OSMR: variants seen among roughly 807,000 people sequenced by gnomAD.
OSMR encodes oncostatin-M-specific receptor subunit beta.
In OSMR, 81 loss-of-function variants were observed where a neutral mutation model predicts 99.9. The observed-to-expected ratio is 0.81, with a 90% CI of 0.68 to 0.97. OSMR has a LOEUF of 0.97. Among genes scored for constraint, OSMR ranks in the 50% least tolerant of loss-of-function variants. The pLI is 0.00. For synonymous variants in OSMR, 406 were observed against 410.4 expected (o/e 0.99, Z 0.13); for missense variants, 1,099 against 1,153.4 (o/e 0.95, Z 0.68).
At chr5:38,846,644 G>C (rs935165439) in intron 1 of OSMR, among the ~76,000 whole-genome samples, 3 of 152,134 alleles carry the variant, frequency 2.0e-5, no homozygotes, top group Admixed American at 2.0e-4. Context: ...GGGAATCCGT[G>C]TATCTCTCCC....
At chr5:38,853,177 C>T (rs1050255687) in intron 1 of OSMR, among the ~76,000 whole-genome samples, 3 of 152,038 alleles carry the variant, frequency 2.0e-5, no homozygotes, top group African/African-American at 4.8e-5. Context: ...AACTATTTAC[C>T]TATGATTTAA....
chr5:38,852,824 G>C (rs996877741), intron 1 of OSMR, among the ~76,000 whole-genome samples: 7 of 135,966 alleles, frequency 5.1e-5, no homozygotes, highest in Non-Finnish European at 9.2e-5. Flanking sequence ...TCCGCCTCTT[G>C]GGTTCATGCC....
chr5:38,919,744 T>A (rs1746136307), intron 11 of OSMR, among the ~76,000 whole-genome samples: 1 of 152,182 alleles, frequency 6.6e-6, no homozygotes, highest in African/African-American at 2.4e-5. Flanking sequence ...AACCTTGCAA[T>A]AATATTACCC....
intron 7 of OSMR, among the ~76,000 whole-genome samples, chr5:38,888,719 C>T (rs189171428): frequency 1.3e-5 from 2 of 152,134 alleles, no homozygotes; most frequent in Admixed American, 1.3e-4. Context: ...ACATCATCTC[C>T]CTTTTAAATC....
At position 38,904,423 on chromosome 5, in the gene OSMR, C is replaced by T. The variant is rs768400894; in HGVS notation, c.1205C>T (p.Ala402Val). Residue 402 changes from alanine to valine, a missense_variant, in exon 9 of 18, where the codon GCG (alanine) becomes GTG (valine). Ala to Val is a moderately conservative substitution (Grantham distance 64). Transcript: ENST00000274276. The stretch of plus-strand genomic sequence containing the variant: ...CTGGAACCTGCCACAGAGTACATGG[C>T]GCGAGTACGGTGTGCTGATGCCAGC... ...SELEPATEYM[A>V]RVRCADASHF... 23 of 1,614,058 alleles carry T rather than the reference C, an allele frequency of 1.4e-5. 1 individual carries two copies. The highest frequency in any genetic ancestry group is 1.7e-4 in the Middle Eastern group (1 of 6,060).
intron 11 of OSMR, 72 bp downstream of exon 11, chr5:38,919,134 G>A (rs1579791047): frequency 1.3e-6 from 2 of 1,572,310 alleles, no homozygotes; most frequent in East Asian, 4.7e-5. Flanking sequence ...AGTAGTGATG[G>A]ATAAATTGAG....
chr5:38,883,826 GTACAAGATTC>G lies in OSMR; in HGVS notation c.422_431del (p.Gln141LeufsTer52), dbSNP rs1561364566. ...AACTTGGCTATTTTTTTTTCTTGCA[GTACAAGATTC>G]TACTGGACAGGATATATTGTTCGTT... On this transcript the variant is annotated frameshift_variant and splice_region_variant, in exon 5 of 18. Coordinates refer to ENST00000274276, the MANE Select transcript of OSMR (RefSeq NM_003999.3). LOFTEE classifies it high-confidence loss of function. The G allele has an allele frequency of 4.3e-6, 7 of 1,612,398 alleles. No homozygotes were observed. The highest frequency in any genetic ancestry group is 5.9e-6 in the Non-Finnish European group (7 of 1,179,952).
At chr5:38,879,578 T>G (rs935541344) in intron 3 of OSMR, among the ~76,000 whole-genome samples, 14 of 151,718 alleles carry the variant, frequency 9.2e-5, no homozygotes, top group Non-Finnish European at 1.9e-4. Context: ...ATTGATGTAC[T>G]TCCTTCTAGC....
At chr5:38,917,974 CA>C (rs1306620200) in intron 10 of OSMR, among the ~76,000 whole-genome samples, 1 of 152,074 alleles carries the variant, frequency 6.6e-6, no homozygotes, top group Non-Finnish European at 1.5e-5. Flanking sequence ...AATTATAAAT[CA>C]AGCTTAAAAA....
intron 1 of OSMR, 80 bp downstream of exon 1, chr5:38,846,467 C>G (rs1324048182): frequency 6.6e-6 from 1 of 152,334 alleles, no homozygotes; most frequent in Non-Finnish European, 1.5e-5. Flanking sequence ...TTGAAATTCA[C>G]CATCCCAGCG....
intron 17 of OSMR, 134 bp from the exon 18 acceptor site, chr5:38,932,738 C>T (rs1380981735): frequency 6.6e-7 from 1 of 1,525,706 alleles, no homozygotes; most frequent in Non-Finnish European, 8.8e-7. Context: ...AACATCACCT[C>T]CAGGTTACTT....
chr5:38,879,411 G>T (rs1271414653), intron 3 of OSMR, among the ~76,000 whole-genome samples: 1 of 152,226 alleles, frequency 6.6e-6, no homozygotes, highest in Non-Finnish European at 1.5e-5. Context: ...GCGGAATGTG[G>T]TGGGGAACTG....
intron 5 of OSMR, 99 bp downstream of exon 5, chr5:38,884,210 C>A: frequency 9.9e-7 from 1 of 1,014,326 alleles, no homozygotes; most frequent in South Asian, 1.3e-5. Context: ...TACCCATGAT[C>A]TTGATTTTCT....
chr5:38,942,398 T>A (rs774051140), intron 1 of OSMR: 2 of 1,511,042 alleles, frequency 1.3e-6, no homozygotes, highest in Admixed American at 3.4e-5. Flanking sequence ...AAATGGTGTA[T>A]CATCAATTAC....
downstream of OSMR, among the ~76,000 whole-genome samples, chr5:38,937,513 GTA>G (rs1392422322): frequency 1.3e-5 from 2 of 152,270 alleles, no homozygotes; most frequent in African/African-American, 4.8e-5. This position sits in a 1 kb window ranked among gnomAD's most constrained non-coding sequence, Gnocchi z 4.0. Context: ...TAATTTCTGT[GTA>G]TGTTACTCTC....
chr5:38,865,792 T>G (rs547942973), intron 1 of OSMR, among the ~76,000 whole-genome samples: 1 of 152,156 alleles, frequency 6.6e-6, no homozygotes, highest in South Asian at 2.1e-4. Flanking sequence ...GGCAGACAGA[T>G]CTTCTGGCCC....
chr5:38,903,964 A>G lies in OSMR; in HGVS notation c.1074A>G (p.Ile358Met), dbSNP rs2112540674. Residue 358 changes from isoleucine (I) to methionine (M), a missense_variant, in exon 8 of 18, where the codon ATA becomes ATG. Physicochemically the swap from Ile to Met is conservative, Grantham distance 10 (BLOSUM62 1). Coordinates refer to ENST00000274276, the MANE Select transcript of OSMR (RefSeq NM_003999.3). ...NAIMTWKVHS[I>M]RNNFTYLCQI... is the part of the protein sequence containing the mutation. Reference sequence around the variant, plus strand: ...TCATGACCTGGAAGGTGCACTCCATAAGGAATAATTTCACATATTTGTGTC... The same window carrying G: ...TCATGACCTGGAAGGTGCACTCCATGAGGAATAATTTCACATATTTGTGTC... The G allele has an allele frequency of 6.2e-7, 1 of 1,614,064 alleles. No individual in the cohort carries two copies. The highest frequency in any genetic ancestry group is 8.5e-7 in the Non-Finnish European group (1 of 1,179,960).
rs200213166 is a variant in OSMR, at chr5:38,921,640, A to C, written c.1611A>C (p.Ala537=). 582 of 1,614,070 alleles carry C rather than the reference A, an allele frequency of 3.6e-4. 1 individual carries two copies. The highest frequency in any genetic ancestry group is 4.9e-4 in the Middle Eastern group (3 of 6,082). ...AAGAGGTTGAGGAAGAAAGAATTGC[A>C]GGCACAGAGGGTGGATTCTCTCTGT... ...ENKEVEEERI[A]GTEGGFSLSW... is the part of the protein sequence containing the mutation. The change falls in exon 12 of 18, where the codon GCA becomes GCC. Residue 537 remains alanine, a synonymous_variant. Transcript: ENST00000274276.
chr5:38,927,321 C>T (rs1348511957), intron 15 of OSMR, among the ~76,000 whole-genome samples: 1 of 152,232 alleles, frequency 6.6e-6, no homozygotes, highest in Non-Finnish European at 1.5e-5. Context: ...ATTTCCCTTC[C>T]ACACTGCCCT....
Sources: gnomAD v4.1 joint callset for allele counts (sites outside exome capture counted in the v4.1 genomes callset) on GRCh38, gnomAD v4.1.1 for gene constraint, Gnocchi (gnomAD v3.1) non-coding constraint, MANE v1.5 for transcripts, NCBI Gene and HGNC (gene_info 2026-07-23, HGNC 2026-07-21) for gene names.